The following RNF150 variants were observed in gnomAD, a reference collection of about 807,000 sequenced individuals.
RNF150 encodes ring finger protein 150.
In RNF150, 24 loss-of-function variants were observed where a neutral mutation model predicts 39.3. The ratio of observed to expected loss-of-function variants is 0.61; its 90% CI spans 0.44 to 0.86. RNF150 has a LOEUF of 0.86. Ranked by LOEUF, RNF150 falls within the 40% of genes least tolerant of loss-of-function variation. RNF150 has a pLI of 0.00. For missense variants in RNF150, 502 were observed against 587.8 expected, an observed-to-expected ratio of 0.85 and a Z score of 1.51; for synonymous variants, 255 against 227.3, an observed-to-expected ratio of 1.12 and a Z score of -1.10.
At chr4:141,197,368 TA>T (rs1436528111) in intron 1 of RNF150, among the ~76,000 whole-genome samples, 1 of 152,222 alleles carries the variant, frequency 6.6e-6, no homozygotes, top group Admixed American at 6.5e-5. Flanking sequence ...ATTATCTTAG[TA>T]TTTCAACATA....
chr4:141,126,631 T>C (rs1286517602), intron 1 of RNF150, among the ~76,000 whole-genome samples: 1 of 152,092 alleles, frequency 6.6e-6, no homozygotes, highest in African/African-American at 2.4e-5. Flanking sequence ...GGAGGGCACA[T>C]GGGAACAGTC....
intron 1 of RNF150, among the ~76,000 whole-genome samples, chr4:141,049,347 T>TA (rs1444054233): frequency 6.7e-6 from 1 of 149,268 alleles, no homozygotes; most frequent in African/African-American, 2.5e-5. Context: ...AGGAAAATGG[T>TA]AAAAAATAGA....
At chr4:141,002,013 A>C (rs1404809336) in intron 1 of RNF150, among the ~76,000 whole-genome samples, 1 of 152,096 alleles carries the variant, frequency 6.6e-6, no homozygotes, top group Non-Finnish European at 1.5e-5. Context: ...GATGTGATTA[A>C]TGTGTATGTA....
chr4:141,007,305 T>G (rs1235354584), intron 1 of RNF150, among the ~76,000 whole-genome samples: 1 of 152,208 alleles, frequency 6.6e-6, no homozygotes, highest in Admixed American at 6.5e-5. Context: ...CTGAAAATAC[T>G]CCTCCTTGAA....
chr4:140,998,248 A>G (rs73858688), intron 1 of RNF150, among the ~76,000 whole-genome samples: 1 of 152,152 alleles, frequency 6.6e-6, no homozygotes, highest in Non-Finnish European at 1.5e-5. Flanking sequence ...CAAACACTCA[A>G]TGTCACTGTA....
chr4:140,983,702 T>C (rs190305634), intron 1 of RNF150, among the ~76,000 whole-genome samples: 56 of 151,410 alleles, frequency 3.7e-4, no homozygotes, highest in African/African-American at 1.1e-3. Flanking sequence ...TTTTTTCCTT[T>C]GGAGATGGTG....
chr4:140,921,769 T>C (rs1220639597), intron 5 of RNF150, among the ~76,000 whole-genome samples: 14 of 152,170 alleles, frequency 9.2e-5, no homozygotes, highest in East Asian at 5.8e-4. Flanking sequence ...GCTTATCCAC[T>C]AAGATCAAGT....
chr4:141,157,514 C>T (rs1488841808), intron 1 of RNF150, among the ~76,000 whole-genome samples: 1 of 152,182 alleles, frequency 6.6e-6, no homozygotes, highest in East Asian at 1.9e-4. Context: ...GTGTCTGTCT[C>T]AGTGAATTAG....
intron 1 of RNF150, among the ~76,000 whole-genome samples, chr4:141,177,389 A>C (rs185873282): frequency 6.6e-6 from 1 of 152,152 alleles, no homozygotes; most frequent in Non-Finnish European, 1.5e-5. Flanking sequence ...ATTACACATT[A>C]GGTACATTGG....
intron 1 of RNF150, among the ~76,000 whole-genome samples, chr4:140,974,282 T>C (rs1367147574): frequency 6.6e-6 from 1 of 152,198 alleles, no homozygotes; most frequent in Non-Finnish European, 1.5e-5. Context: ...ATCCTCTAGA[T>C]TGGCTTTTTC....
intron 1 of RNF150, among the ~76,000 whole-genome samples, chr4:141,151,601 C>T (rs897433406): frequency 6.6e-6 from 1 of 151,778 alleles, no homozygotes; most frequent in African/African-American, 2.4e-5. Context: ...TCAGAAAAAT[C>T]GAAGAACATT....
rs561374531 is a variant in RNF150 at position 141,132,995 on chromosome 4, C to T, written c.-187G>A. 85 of 545,558 alleles carry T rather than the reference C, an allele frequency of 1.6e-4. No individual in the cohort carries two copies. The highest frequency in any genetic ancestry group is 1.5e-3 in the African/African-American group (75 of 48,900). 33.8% of individuals were successfully genotyped at this position (545,558 alleles called of 1,614,324 possible). On this transcript the variant is annotated 5_prime_UTR_variant, in exon 1 of 7. Coordinates refer to ENST00000515673, the MANE Select transcript of RNF150 (RefSeq NM_020724.2). The surrounding 1 kb of genome is among the most constrained non-coding windows in gnomAD (Gnocchi z 4.9). ...ATTCCGGGCGAGCGGATGGCGCTGG[C>T]CCCTTCCCCTCTCAGCTGTAGCGCG...
intron 1 of RNF150, among the ~76,000 whole-genome samples, chr4:141,109,325 T>C (rs1001050668): frequency 1.3e-5 from 2 of 152,026 alleles, no homozygotes; most frequent in African/African-American, 4.8e-5. Flanking sequence ...TAAAACATAC[T>C]CTGAGTATCT....
At chr4:140,987,248 C>G (rs1274056047) in intron 1 of RNF150, among the ~76,000 whole-genome samples, 1 of 152,082 alleles carries the variant, frequency 6.6e-6, no homozygotes, top group Non-Finnish European at 1.5e-5. Flanking sequence ...TCATTTTTCA[C>G]AGAATTAGAA....
chr4:141,097,110 C>T (rs1034129798), intron 1 of RNF150, among the ~76,000 whole-genome samples: 44 of 152,170 alleles, frequency 2.9e-4, no homozygotes, highest in African/African-American at 9.4e-4. Flanking sequence ...CAATATCAAA[C>T]TATTATTTAC....
chr4:141,082,918 CAT>C (rs1256886713), intron 1 of RNF150, among the ~76,000 whole-genome samples: 7 of 152,168 alleles, frequency 4.6e-5, no homozygotes. Context: ...TTTCTTCTTC[CAT>C]CTTCAGATGA....
intron 1 of RNF150, among the ~76,000 whole-genome samples, chr4:140,999,993 AAAGAAGAAGAAGAAGAAGAAGAAGAAG>A (rs1169596089): frequency 4.9e-4 from 31 of 63,346 alleles, no homozygotes; most frequent in Middle Eastern, 7.5e-3. Flanking sequence ...GAAAAGAAGA[AAAGAAGAAGAAGAAGAAGAAGAAGAAG>A]AAGAAGAAGA....
chr4:141,078,828 TATATAC>T lies in RNF150; in HGVS notation c.484+53491_484+53496del, dbSNP rs1337948100. ...AAAAAAATATATATATATATATATA[TATATAC>T]ACACACACACACACATACATACATA... is the stretch of plus-strand genomic sequence containing the variant. On this transcript the variant is annotated intron_variant, in intron 1 of 6. Coordinates refer to ENST00000515673, the MANE Select transcript of RNF150 (RefSeq NM_020724.2). Among the ~76,000 whole-genome samples the T allele has an allele frequency of 4.6e-5, 6 of 130,854 alleles. No individual in the cohort carries two copies. The East Asian group carries it at 6.3e-4, about 14-fold the overall frequency. The allele number at this position is 130,854 out of a possible 152,430, so 85.8% of individuals were successfully genotyped here.
Position 140,912,959 on chromosome 4 carries a change from T to TAA in RNF150, c.988-1607_988-1606dup, listed in dbSNP as rs10616886. On this transcript the variant is annotated intron_variant, in intron 5 of 6. Transcript: ENST00000515673. ...CAGTCTGCACTCTCTCATCAGAACA[T>TAA]AAAAAAAAAAAAAAAAAAAAAAAAA... Among the ~76,000 whole-genome samples the TAA allele has an allele frequency of 2.4e-3, 330 of 138,078 alleles. 3 individuals carry two copies. The highest frequency in any genetic ancestry group is 7.9e-3 in the African/African-American group (292 of 36,792). The allele number at this position is 138,078 out of a possible 152,430, so 90.6% of individuals were successfully genotyped here.
Sources: gnomAD v4.1 joint callset for allele counts (sites outside exome capture counted in the v4.1 genomes callset) on GRCh38, gnomAD v4.1.1 for gene constraint, Gnocchi (gnomAD v3.1) non-coding constraint, MANE v1.5 for transcripts, NCBI Gene and HGNC (gene_info 2026-07-23, HGNC 2026-07-21) for gene names.